FRMPD4: variants seen among roughly 807,000 people sequenced by gnomAD.
FRMPD4 encodes FERM and PDZ domain-containing protein 4.
In FRMPD4, 22 loss-of-function variants were observed where a neutral mutation model predicts 94.1. The ratio of observed to expected loss-of-function variants is 0.23; its 90% CI spans 0.17 to 0.33. FRMPD4 has a LOEUF of 0.33. Ranked by LOEUF, FRMPD4 falls within the 10% of genes least tolerant of loss-of-function variation. FRMPD4 has a pLI of 1.00. For synonymous variants in FRMPD4, 631 were observed against 548.6 expected (o/e 1.15, Z -2.10); for missense variants, 1,111 against 1,339.9 (o/e 0.83, Z 2.67).
intron 1 of FRMPD4, among the ~76,000 whole-genome samples, chrX:12,243,102 A>G (rs1043306431): frequency 4.5e-5 from 5 of 112,236 alleles, no homozygotes; most frequent in Non-Finnish European, 7.5e-5. Flanking sequence ...GGATGATTTC[A>G]AACTTCAGGG....
chrX:12,395,864 G>T (rs1569259856), intron 1 of FRMPD4: 1 of 114,862 alleles, frequency 8.7e-6, no homozygotes, highest in Non-Finnish European at 1.8e-5. Flanking sequence ...CTCATGTATG[G>T]TTCATCTGAC....
chrX:12,543,493 T>C (rs1309956722), intron 2 of FRMPD4, among the ~76,000 whole-genome samples: 4 of 112,257 alleles, frequency 3.6e-5, no homozygotes, highest in Non-Finnish European at 7.5e-5. Context: ...GAAAAAATGC[T>C]CATCATCACT....
At position 12,598,465 on chromosome X, in the gene FRMPD4, C is replaced by T. The variant is rs193059827; in HGVS notation, c.159-11256C>T. ...CTCTCTCTCTTCCCATCCTCATTCT[C>T]TCCTGCCAGCACCTCCCATTGTTTT... On this transcript the variant is annotated intron_variant, in intron 2 of 16. Transcript: ENST00000675598. Among the ~76,000 whole-genome samples, 3 of 111,778 alleles carry T rather than the reference C, an allele frequency of 2.7e-5. No individual in the cohort carries two copies. In the East Asian group the frequency reaches 8.3e-4, roughly 31 times the overall value.
chrX:12,040,396 T>C (rs1322397604), intron 3 of FRMPD4, among the ~76,000 whole-genome samples: 3 of 108,635 alleles, frequency 2.8e-5, no homozygotes, highest in Admixed American at 9.9e-5. Flanking sequence ...TGGTTTGTCT[T>C]TTTCTATCTT....
intron 1 of FRMPD4, among the ~76,000 whole-genome samples, chrX:12,414,761 G>A (rs1001878139): frequency 1.8e-5 from 2 of 111,897 alleles, no homozygotes; most frequent in South Asian, 3.8e-4. Flanking sequence ...ATTATGTTCT[G>A]AACCTTATGG....
intron 3 of FRMPD4, among the ~76,000 whole-genome samples, chrX:11,959,035 A>G (rs2054270973): frequency 8.9e-6 from 1 of 112,669 alleles, no homozygotes; most frequent in South Asian, 3.6e-4. Context: ...GTGAGGGTGT[A>G]TCCTGAAATC....
At chrX:11,857,850 A>G (rs990280002) in intron 1 of FRMPD4, among the ~76,000 whole-genome samples, 1 of 112,652 alleles carries the variant, frequency 8.9e-6, no homozygotes, top group Non-Finnish European at 1.9e-5. Flanking sequence ...AGAAATTTAA[A>G]CAAATTTACA....
intron 2 of FRMPD4, among the ~76,000 whole-genome samples, chrX:12,515,252 T>C (rs1305525086): frequency 2.7e-5 from 3 of 111,588 alleles, no homozygotes; most frequent in Non-Finnish European, 5.7e-5. Context: ...AGCTTTGGGG[T>C]TTGTTTGCTC....
intron 1 of FRMPD4, among the ~76,000 whole-genome samples, chrX:12,298,623 C>T (rs1371295890): frequency 2.7e-5 from 3 of 112,087 alleles, no homozygotes; most frequent in Non-Finnish European, 5.6e-5. Flanking sequence ...AAACCATTCT[C>T]GTTGCAGGGC....
At chrX:12,490,838 TTTTTA>T (rs1322486129) in intron 1 of FRMPD4, among the ~76,000 whole-genome samples, 4 of 111,694 alleles carry the variant, frequency 3.6e-5, no homozygotes, top group Non-Finnish European at 7.5e-5. Flanking sequence ...ATATTGATTT[TTTTTA>T]TTTTAATGTA....
At chrX:12,692,771 A>G (rs2060090740) in intron 8 of FRMPD4, among the ~76,000 whole-genome samples, 2 of 112,543 alleles carry the variant, frequency 1.8e-5, no homozygotes, top group Non-Finnish European at 3.7e-5. Flanking sequence ...TGAACCAGTA[A>G]TTAAAGGAGT....
chrX:11,869,546 A>G (rs1023620028), intron 2 of FRMPD4, among the ~76,000 whole-genome samples: 1 of 112,286 alleles, frequency 8.9e-6, no homozygotes, highest in Non-Finnish European at 1.9e-5. Context: ...ATATATCACA[A>G]CATCATATTG....
chrX:12,608,391 G>T (rs1231242535), intron 2 of FRMPD4, among the ~76,000 whole-genome samples: 1 of 112,862 alleles, frequency 8.9e-6, no homozygotes, highest in South Asian at 3.6e-4. Context: ...GAAGTATTTT[G>T]AAAATTTTTG....
chrX:12,706,734 CTTCT>C (rs1356884219), intron 11 of FRMPD4, 88 bp from the exon 12 acceptor site: 1 of 452,698 alleles, frequency 2.2e-6, no homozygotes, highest in East Asian at 3.8e-5. Flanking sequence ...TAAAATCATC[CTTCT>C]ATCTTACACT....
intron 4 of FRMPD4, 35 bp downstream of exon 4, chrX:12,614,916 T>C: frequency 3.8e-6 from 3 of 779,512 alleles, no homozygotes; most frequent in Non-Finnish European, 5.9e-6. Context: ...CTGTTCTGCT[T>C]TGAAGGCTGC....
chrX:12,524,071 C>A (rs894527763), intron 2 of FRMPD4, among the ~76,000 whole-genome samples: 1 of 111,998 alleles, frequency 8.9e-6, no homozygotes, highest in Non-Finnish European at 1.9e-5. Flanking sequence ...AGGAGGATTA[C>A]TTGAGCCCCA....
Position 12,498,671 on chromosome X carries a change from C to A in FRMPD4, c.42-9C>A, listed in dbSNP as rs765633648. On this transcript the variant is annotated splice_polypyrimidine_tract_variant and intron_variant, in intron 1 of 16. Coordinates refer to ENST00000675598, the MANE Select transcript of FRMPD4 (RefSeq NM_001368397.1). Reference sequence around the variant, plus strand: ...GGTGTAATGATGCTTTTTTTTTTTTCTTTTCCAGCCACAGGACGAAGTCTT... The same window carrying A: ...GGTGTAATGATGCTTTTTTTTTTTTATTTTCCAGCCACAGGACGAAGTCTT... The A allele has an allele frequency of 8.3e-6, 8 of 963,854 alleles. No individual in the cohort carries two copies. Among genetic ancestry groups the A allele is most frequent in the Non-Finnish European group, 1.1e-5 (8 of 700,426 alleles). The allele number at this position is 963,854 out of a possible 1,213,427, so 79.4% of individuals were successfully genotyped here.
chrX:11,910,236 T>C (rs2053989387), intron 3 of FRMPD4, among the ~76,000 whole-genome samples: 1 of 111,856 alleles, frequency 8.9e-6, no homozygotes, highest in Non-Finnish European at 1.9e-5. Context: ...CAAATTTTTA[T>C]GGTTAAAATG....
chrX:12,711,188 C>T (rs1019719198), intron 14 of FRMPD4, among the ~76,000 whole-genome samples: 19 of 111,477 alleles, frequency 1.7e-4, no homozygotes, highest in Non-Finnish European at 3.4e-4. Context: ...ATGGAATGCC[C>T]GAACACGAGT....
Sources: allele counts gnomAD v4.1 joint callset (sites outside exome capture counted in the v4.1 genomes callset), GRCh38; gene constraint gnomAD v4.1.1; transcripts MANE v1.5; gene names NCBI Gene and HGNC (gene_info 2026-07-23, HGNC 2026-07-21).